Variants in IPO11 observed in about 807,000 individuals in gnomAD.
IPO11 encodes importin 11.
Under a neutral mutation model 143.2 loss-of-function variants are expected in IPO11, and 66 were observed. That is an observed-to-expected ratio of 0.46 (90% CI 0.38 to 0.57). The LOEUF (loss-of-function observed/expected upper bound fraction) is 0.57. Among genes scored for constraint, IPO11 ranks in the 20% least tolerant of loss-of-function variants. The probability of loss-of-function intolerance (pLI) is 0.00; values close to 1 mark genes in which losing one functional copy is unlikely to be tolerated. For missense variants in IPO11, 1,026 were observed against 1,141.0 expected, an observed-to-expected ratio of 0.90 and a Z score of 1.45; for synonymous variants, 385 against 377.8, an observed-to-expected ratio of 1.02 and a Z score of -0.22.
chr5:62,425,525 T>C (rs1364763786), intron 1 of IPO11, among the ~76,000 whole-genome samples: 23 of 152,082 alleles, frequency 1.5e-4, no homozygotes, highest in African/African-American at 5.3e-4. Context: ...ACCATGTTGT[T>C]CAGGCTGGTC....
intron 22 of IPO11, among the ~76,000 whole-genome samples, chr5:62,534,282 T>G (rs1742663716): frequency 6.6e-6 from 1 of 152,210 alleles, no homozygotes; most frequent in Non-Finnish European, 1.5e-5. Context: ...CTGGCTCTTG[T>G]CCTAGTTATT....
At chr5:62,452,105 C>T (rs1056573778) in intron 5 of IPO11, among the ~76,000 whole-genome samples, 172 bp downstream of exon 5, 4 of 152,016 alleles carry the variant, frequency 2.6e-5, no homozygotes, top group Admixed American at 6.6e-5. Context: ...ATTAGCCGGG[C>T]GTGGTGGCAC....
chr5:62,418,970 T>G (rs768264422), intron 1 of IPO11: 75 of 1,536,720 alleles, frequency 4.9e-5, no homozygotes, highest in Non-Finnish European at 6.5e-5. Context: ...AATGGGTCGT[T>G]AGGCAATTTT....
At chr5:62,503,327 CTACTAATATATTAATAGTATCTAT>C (rs1270528553) in intron 16 of IPO11, among the ~76,000 whole-genome samples, 60 of 145,002 alleles carry the variant, frequency 4.1e-4, no homozygotes, top group South Asian at 1.3e-3. Context: ...TTAATAGTAT[CTACTAATATATTAATAGTATCTAT>C]TAATATATTA....
At chr5:62,569,596 G>T (rs1035456630) in intron 27 of IPO11, among the ~76,000 whole-genome samples, 1 of 152,168 alleles carries the variant, frequency 6.6e-6, no homozygotes, top group Non-Finnish European at 1.5e-5. Flanking sequence ...GTGGAAAGGG[G>T]CAGTGAAGTA....
intron 27 of IPO11, chr5:62,580,359 A>G (rs1468052790): frequency 1.3e-6 from 2 of 1,545,198 alleles, no homozygotes; most frequent in East Asian, 4.9e-5. Context: ...ACCTTAAGTT[A>G]GATAGAAACA....
intron 29 of IPO11, among the ~76,000 whole-genome samples, chr5:62,603,457 A>G (rs942006325): frequency 2.1e-5 from 3 of 143,756 alleles, no homozygotes; most frequent in African/African-American, 7.9e-5. Flanking sequence ...TATGACAATA[A>G]TTTGTATTCA....
At chr5:62,602,499 T>G (rs1745543588) in intron 29 of IPO11, among the ~76,000 whole-genome samples, 1 of 152,202 alleles carries the variant, frequency 6.6e-6, no homozygotes. Context: ...ACTAACTTTA[T>G]TATACCTTCT....
chr5:62,558,717 A>T (rs749468474), intron 26 of IPO11, among the ~76,000 whole-genome samples: 2 of 152,226 alleles, frequency 1.3e-5, no homozygotes, highest in Non-Finnish European at 2.9e-5. Flanking sequence ...CATTTTTTCA[A>T]TACCATTTAC....
chr5:62,626,187 G>A lies in IPO11; in HGVS notation c.2764-967G>A, dbSNP rs113719193. Among the ~76,000 whole-genome samples the A allele has an allele frequency of 2.0e-3, 310 of 152,096 alleles. 2 individuals carry two copies. The highest frequency in any genetic ancestry group is 7.3e-3 in the African/African-American group (302 of 41,514). On this transcript the variant is annotated intron_variant, in intron 29 of 29. Coordinates refer to ENST00000325324, the MANE Select transcript of IPO11 (RefSeq NM_016338.5). ...TGGGACTACAGGCGTGCACCACCAC[G>A]CCAGGCTAATTTTTGTATTTTCAGT...
intron 13 of IPO11, among the ~76,000 whole-genome samples, chr5:62,488,848 G>A (rs1272081256): frequency 6.6e-6 from 1 of 151,898 alleles, no homozygotes; most frequent in East Asian, 1.9e-4. Context: ...ACAAAAATTA[G>A]GAAAATTAGC....
At chr5:62,620,205 G>C (rs1192186923) in intron 29 of IPO11, among the ~76,000 whole-genome samples, 1 of 152,096 alleles carries the variant, frequency 6.6e-6, no homozygotes, top group Non-Finnish European at 1.5e-5. Flanking sequence ...AGGGAGACGT[G>C]AGACTTCAGT....
chr5:62,513,943 C>T (rs2112281724), intron 19 of IPO11, among the ~76,000 whole-genome samples: 1 of 151,626 alleles, frequency 6.6e-6, no homozygotes, highest in Non-Finnish European at 1.5e-5. Flanking sequence ...GCGCTCCTCA[C>T]ATCCCAGACG....
chr5:62,472,389 T>C (rs1745802807), intron 7 of IPO11, among the ~76,000 whole-genome samples: 1 of 152,206 alleles, frequency 6.6e-6, no homozygotes. Flanking sequence ...TGGCTTTCCC[T>C]TGAGAGTTTT....
intron 29 of IPO11, among the ~76,000 whole-genome samples, chr5:62,621,202 A>G (rs923055793): frequency 1.1e-4 from 17 of 152,356 alleles, no homozygotes; most frequent in Admixed American, 2.6e-4. Context: ...AAGTATTGGC[A>G]AAGAAGAGAC....
intron 12 of IPO11, among the ~76,000 whole-genome samples, chr5:62,487,016 T>TAAAATTTAAATAAAAAATTATTTTAA (rs1746431234): frequency 1.3e-5 from 2 of 152,164 alleles, no homozygotes; most frequent in African/African-American, 4.8e-5. Context: ...AATTCCTTTT[T>TAAAATTTAAATAAAAAATTATTTTAA]AAAATTTAAA....
chr5:62,468,497 G>A (rs1351019941), intron 6 of IPO11, among the ~76,000 whole-genome samples: 2 of 152,212 alleles, frequency 1.3e-5, no homozygotes. Context: ...AGTTATAAAA[G>A]TGAGTGGAGA....
intron 27 of IPO11, among the ~76,000 whole-genome samples, chr5:62,586,212 G>A (rs905031556): frequency 7.2e-5 from 11 of 152,264 alleles, no homozygotes; most frequent in African/African-American, 2.6e-4. Context: ...TTTATATGAA[G>A]TTGTTAGTTT....
At chr5:62,537,779 T>A (rs1032836820) in intron 24 of IPO11, among the ~76,000 whole-genome samples, 2 of 152,124 alleles carry the variant, frequency 1.3e-5, no homozygotes, top group Non-Finnish European at 2.9e-5. Context: ...GTCTCTAAGT[T>A]GTATATTATC....
Sources: gnomAD v4.1 joint callset for allele counts (sites outside exome capture counted in the v4.1 genomes callset) on GRCh38, gnomAD v4.1.1 for gene constraint, MANE v1.5 for transcripts, NCBI Gene and HGNC (gene_info 2026-07-23, HGNC 2026-07-21) for gene names.